The following RAB14 variants were observed in gnomAD, a reference collection of about 807,000 sequenced individuals.
The protein encoded by RAB14 is ras-related protein Rab-14.
Under a neutral mutation model 31.1 loss-of-function variants are expected in RAB14, and 3 were observed. The ratio of observed to expected loss-of-function variants is 0.10; its 90% CI spans 0.04 to 0.25. The LOEUF is 0.25. RAB14 is among the 10% of genes least tolerant of loss of function. The pLI is 1.00. For synonymous variants in RAB14, 85 were observed against 84.9 expected, an observed-to-expected ratio of 1.00 and a Z score of 0.00; for missense variants, 111 against 260.1, an observed-to-expected ratio of 0.43 and a Z score of 3.94.
rs193224233 is a variant in RAB14, at chr9:121,181,073, A to G, written c.*323T>C. 4.1e-3 allele frequency: 838 copies of G among 203,556 alleles called. 3 individuals carry two copies. The highest frequency in any genetic ancestry group is 6.7e-3 in the Middle Eastern group (4 of 600). 12.6% of individuals were successfully genotyped at this position (203,556 alleles called of 1,614,324 possible). Reference sequence around the variant, plus strand: ...GTACAGTGAGACAAAGCCTTGCCAAAGGGAGGGTAAAAATCATGAAGTCCA... The same window carrying G: ...GTACAGTGAGACAAAGCCTTGCCAAGGGGAGGGTAAAAATCATGAAGTCCA... On this transcript the variant is annotated 3_prime_UTR_variant, in exon 8 of 8. Coordinates refer to ENST00000373840, the MANE Select transcript of RAB14 (RefSeq NM_016322.4).
At chr9:121,187,520 ATAATT>A (rs2053664679) in intron 4 of RAB14, among the ~76,000 whole-genome samples, 1 of 152,116 alleles carries the variant, frequency 6.6e-6, no homozygotes, top group Non-Finnish European at 1.5e-5. Flanking sequence ...CCTTTCCTTA[ATAATT>A]TAAAGAGCAA....
At chr9:121,201,426 G>A (rs2053778702) in intron 1 of RAB14, among the ~76,000 whole-genome samples, 1 of 152,022 alleles carries the variant, frequency 6.6e-6, no homozygotes, top group Non-Finnish European at 1.5e-5. Flanking sequence ...CCGGAGCCGC[G>A]CAGGGGACAC....
In RAB14 at chr9:121,192,202, A is replaced by C. The variant is rs753901635; in HGVS notation, c.75T>G (p.Ser25=). 6.2e-7 allele frequency: 1 copy of C among 1,600,980 alleles called. No individual in the cohort carries two copies. Among genetic ancestry groups the C allele is most frequent in the Non-Finnish European group, 8.5e-7 (1 of 1,172,220 alleles). The change falls in exon 3 of 8, where the codon TCT becomes TCG. Residue 25 remains serine (S), a synonymous_variant. Transcript: ENST00000373840. ...TTTCTGTAAATTGATGAAGCAAGCA[A>C]GATTTTCCTACTCCCATGTCCCCTG... ...IIIGDMGVGK[S]CLLHQFTEKK... is the part of the protein sequence containing the mutation.
intron 1 of RAB14, among the ~76,000 whole-genome samples, chr9:121,199,829 C>T (rs1035174424): frequency 6.6e-6 from 1 of 152,166 alleles, no homozygotes; most frequent in Admixed American, 6.5e-5. Flanking sequence ...AAGTGATCTA[C>T]CCGTGGTCAT....
At chr9:121,196,229 G>T (rs374784326) in intron 1 of RAB14, among the ~76,000 whole-genome samples, 1 of 151,762 alleles carries the variant, frequency 6.6e-6, no homozygotes, top group Admixed American at 6.6e-5. Context: ...TACAACTACC[G>T]GGACAATTAA....
At chr9:121,198,399 T>G (rs1017203210) in intron 1 of RAB14, among the ~76,000 whole-genome samples, 1 of 150,982 alleles carries the variant, frequency 6.6e-6, no homozygotes, top group Non-Finnish European at 1.5e-5. Flanking sequence ...TTTTTGGGAG[T>G]TTTTTAATAG....
chr9:121,182,846 AT>A, intron 7 of RAB14, 83 bp downstream of exon 7: 6 of 1,158,584 alleles, frequency 5.2e-6, no homozygotes, highest in Non-Finnish European at 7.4e-6. Flanking sequence ...ATATGTGTAT[AT>A]ACATTATATA....
chr9:121,199,292 G>A (rs973078417), intron 1 of RAB14, among the ~76,000 whole-genome samples: 1 of 152,210 alleles, frequency 6.6e-6, no homozygotes, highest in Admixed American at 6.5e-5. Flanking sequence ...ATAGGTATAT[G>A]AATGCTCAGT....
chr9:121,185,700 C>G (rs558700713), intron 5 of RAB14, among the ~76,000 whole-genome samples: 19 of 152,176 alleles, frequency 1.2e-4, no homozygotes, highest in African/African-American at 4.6e-4. Context: ...GTATGATGCC[C>G]TTGAGAACCA....
At chr9:121,190,798 A>T (rs2053682333) in intron 3 of RAB14, 67 bp from the exon 4 acceptor site, 1 of 1,466,636 alleles carries the variant, frequency 6.8e-7, no homozygotes, top group Admixed American at 1.8e-5. Flanking sequence ...TAGAGGGGGA[A>T]AATCCACTAA....
chr9:121,183,700 T>G (rs1264396657), intron 5 of RAB14, among the ~76,000 whole-genome samples: 1 of 152,212 alleles, frequency 6.6e-6, no homozygotes. Context: ...TTTTTGTTGT[T>G]GTTTTTAACA....
intron 5 of RAB14, among the ~76,000 whole-genome samples, chr9:121,185,736 T>C (rs2053655476): frequency 2.0e-5 from 3 of 152,146 alleles, no homozygotes; most frequent in African/African-American, 7.2e-5. Context: ...ATATAAAGAA[T>C]TCATTCCTAC....
chr9:121,193,524 CAA>C, intron 1 of RAB14, 105 bp from the exon 2 acceptor site: 1 of 723,404 alleles, frequency 1.4e-6, no homozygotes, highest in Non-Finnish European at 2.3e-6. Context: ...TGAATACAAA[CAA>C]ATGTTGGTTA....
chr9:121,179,160 T>C lies in RAB14; in HGVS notation c.*2236A>G, dbSNP rs554145547. On this transcript the variant is annotated 3_prime_UTR_variant, in exon 8 of 8. Coordinates refer to ENST00000373840, the MANE Select transcript of RAB14 (RefSeq NM_016322.4). Reference sequence around the variant, plus strand: ...TGGGTCTATTACTTAGTGATGTGGTTTTATATGCTACATACGTAGACCTCT... The same window carrying C: ...TGGGTCTATTACTTAGTGATGTGGTCTTATATGCTACATACGTAGACCTCT... 6.6e-6 allele frequency: 1 copy of C among 152,320 alleles called. No homozygotes were observed. The highest frequency in any genetic ancestry group is 1.9e-4 in the East Asian group (1 of 5,188). The allele number at this position is 152,320 out of a possible 1,614,324, so 9.4% of individuals were successfully genotyped here.
intron 1 of RAB14, among the ~76,000 whole-genome samples, chr9:121,194,723 G>A (rs1252550142): frequency 1.3e-5 from 2 of 152,072 alleles, no homozygotes. Context: ...TTTATTTACT[G>A]AAATTATCAC....
chr9:121,200,777 C>A (rs1406779584), intron 1 of RAB14, among the ~76,000 whole-genome samples: 1 of 152,214 alleles, frequency 6.6e-6, no homozygotes, highest in Non-Finnish European at 1.5e-5. Context: ...CACATCACAA[C>A]TTTAGGCCTC....
chr9:121,181,268 C>A lies in RAB14; in HGVS notation c.*128G>T. ...TTAGTATTGTGTTAAACTGTTTTTACAACAGAGTTTTTTCTTTTTTTTTAA... is the reference window on the plus strand; with the variant it reads ...TTAGTATTGTGTTAAACTGTTTTTAAAACAGAGTTTTTTCTTTTTTTTTAA... On this transcript the variant is annotated 3_prime_UTR_variant, in exon 8 of 8. Transcript: ENST00000373840. 1 of 1,045,240 alleles carries A rather than the reference C, an allele frequency of 9.6e-7. No homozygotes were observed. Among genetic ancestry groups the A allele is most frequent in the African/African-American group, 1.6e-5 (1 of 62,826 alleles). The allele number at this position is 1,045,240 out of a possible 1,614,324, so 64.7% of individuals were successfully genotyped here.
chr9:121,187,593 C>T (rs1263477956), intron 4 of RAB14, among the ~76,000 whole-genome samples: 1 of 152,002 alleles, frequency 6.6e-6, no homozygotes, highest in Non-Finnish European at 1.5e-5. Context: ...TTCAAGTCCC[C>T]AGATATCAGT....
At chr9:121,199,919 A>G (rs1377217598) in intron 1 of RAB14, among the ~76,000 whole-genome samples, 1 of 152,204 alleles carries the variant, frequency 6.6e-6, no homozygotes, top group Admixed American at 6.5e-5. Flanking sequence ...CTCCTCTCTC[A>G]TTCATTCAAA....
Sources: allele counts gnomAD v4.1 joint callset (sites outside exome capture counted in the v4.1 genomes callset), GRCh38; gene constraint gnomAD v4.1.1; transcripts MANE v1.5; gene names NCBI Gene and HGNC (gene_info 2026-07-23, HGNC 2026-07-21).